TREH: variants seen among roughly 807,000 people sequenced by gnomAD.
The protein encoded by TREH is alpha,alpha-trehalose glucohydrolase.
In TREH, 69 loss-of-function variants were observed where a neutral mutation model predicts 80.5. That is an observed-to-expected ratio of 0.86 (90% CI 0.71 to 1.05). TREH has a LOEUF of 1.05. TREH is among the 50% of genes least tolerant of loss of function. The probability of loss-of-function intolerance (pLI) is 0.00; values close to 1 mark genes in which losing one functional copy is unlikely to be tolerated. For synonymous variants in TREH, 309 were observed against 293.5 expected (o/e 1.05, Z -0.54); for missense variants, 716 against 718.8 (o/e 1.00, Z 0.04).
chr11:118,663,285 C>T (rs1483965575), intron 2 of TREH, 54 bp downstream of exon 2: 66 of 1,562,634 alleles, frequency 4.2e-5, no homozygotes, highest in Non-Finnish European at 5.6e-5. Flanking sequence ...TTGCCCCCTG[C>T]CTTCTTTGGA....
At chr11:118,665,660 A>G (rs1422217736) in intron 1 of TREH, among the ~76,000 whole-genome samples, 1 of 152,116 alleles carries the variant, frequency 6.6e-6, no homozygotes, top group Non-Finnish European at 1.5e-5. Flanking sequence ...AAAAAAGAAA[A>G]AACTGCAACT....
In TREH at chr11:118,663,207, G is replaced by A. The variant is rs1555145332; in HGVS notation, c.191-11C>T. 6.3e-7 allele frequency: 1 copy of A among 1,597,128 alleles called. No homozygotes were observed. The highest frequency in any genetic ancestry group is 2.3e-5 in the East Asian group (1 of 44,130). On this transcript the variant is annotated splice_polypyrimidine_tract_variant and intron_variant, in intron 2 of 14. Transcript: ENST00000264029. ...TCTGCAGGACTTGTTCTGGAGAGCA[G>A]GCAGCAGGGAGGGGTCAGCAGGGTG...
intron 10 of TREH, 110 bp downstream of exon 10, chr11:118,660,429 A>C: frequency 8.5e-7 from 1 of 1,183,372 alleles, no homozygotes; most frequent in South Asian, 1.6e-5. Context: ...GGGGCTCGAC[A>C]GGCTAAGTTG....
intron 1 of TREH, among the ~76,000 whole-genome samples, chr11:118,671,823 G>A (rs1284571701): frequency 6.6e-6 from 1 of 152,076 alleles, no homozygotes; most frequent in Non-Finnish European, 1.5e-5. Flanking sequence ...ATATACAATG[G>A]AGCTCAGTGG....
Position 118,679,505 on chromosome 11 carries a change from C to A in TREH, c.89+34G>T, listed in dbSNP as rs1157219707. 6.8e-6 allele frequency: 10 copies of A among 1,461,242 alleles called. No homozygotes were observed. In the East Asian group the frequency reaches 2.6e-4, roughly 38 times the overall value. 90.5% of individuals were successfully genotyped at this position (1,461,242 alleles called of 1,614,324 possible). On this transcript the variant is annotated intron_variant, in intron 1 of 14. Transcript: ENST00000264029. ...TCTCATCCCAGCCTCCCTCTTATTGCCATCCTCCCCTGCTGCCTTCCCCAC... is the reference window on the plus strand; with the variant it reads ...TCTCATCCCAGCCTCCCTCTTATTGACATCCTCCCCTGCTGCCTTCCCCAC...
intron 1 of TREH, among the ~76,000 whole-genome samples, chr11:118,678,110 C>G (rs2137292260): frequency 6.6e-6 from 1 of 152,298 alleles, no homozygotes; most frequent in South Asian, 2.1e-4. Flanking sequence ...CCCACTCTGC[C>G]CCAATCACAC....
chr11:118,660,027 C>A lies in TREH; in HGVS notation c.1103-63G>T, dbSNP rs1334376462. ...CCTGCCTGCTGCCCCAGGCTTTTTTCGTGGTTCTACTTTAGCCTCCCCGCT... is the reference window on the plus strand; with the variant it reads ...CCTGCCTGCTGCCCCAGGCTTTTTTAGTGGTTCTACTTTAGCCTCCCCGCT... On this transcript the variant is annotated intron_variant, in intron 10 of 14. Coordinates refer to ENST00000264029, the MANE Select transcript of TREH (RefSeq NM_007180.3). 2.0e-6 allele frequency: 3 copies of A among 1,471,530 alleles called. No individual in the cohort carries two copies. In the African/African-American group the frequency reaches 4.2e-5, roughly 21 times the overall value. 91.2% of individuals were successfully genotyped at this position (1,471,530 alleles called of 1,614,324 possible).
intron 1 of TREH, 127 bp downstream of exon 1, chr11:118,679,412 T>C: frequency 8.3e-7 from 1 of 1,206,000 alleles, no homozygotes; most frequent in Non-Finnish European, 1.1e-6. Context: ...TTTTCTTCTC[T>C]TCCCTACTCT....
intron 1 of TREH, among the ~76,000 whole-genome samples, chr11:118,664,587 AC>A (rs1319216236): frequency 1.3e-5 from 2 of 152,234 alleles, no homozygotes; most frequent in Admixed American, 6.5e-5. Flanking sequence ...AAGATGCTGT[AC>A]CAATATGGAC....
chr11:118,658,481 C>G, intron 14 of TREH, 40 bp from the exon 15 acceptor site: 1 of 1,601,032 alleles, frequency 6.2e-7, no homozygotes. Flanking sequence ...TCTGGGGAAG[C>G]CTCATACCCT....
rs781968277 is a variant in TREH, at chr11:118,660,738, G to A, written c.908-5C>T. 5.7e-6 allele frequency: 9 copies of A among 1,570,798 alleles called. No individual in the cohort carries two copies. The highest frequency in any genetic ancestry group is 7.8e-6 in the Non-Finnish European group (9 of 1,157,686). On this transcript the variant is annotated splice_polypyrimidine_tract_variant and splice_region_variant and intron_variant, in intron 9 of 14. Transcript: ENST00000264029. ...CCCACAGAGCCTCCCGGTCTCCTGT[G>A]AGGACAGAGCAGGGAACCAGCCAGT...
chr11:118,660,412 C>T, intron 10 of TREH, 127 bp downstream of exon 10: 1 of 958,996 alleles, frequency 1.0e-6, no homozygotes, highest in Non-Finnish European at 1.5e-6. Flanking sequence ...CAGGCTTCCA[C>T]TAGGGCGGGG....
In TREH at chr11:118,658,261, C is replaced by T. The variant is rs1555143582; in HGVS notation, c.*28G>A. On this transcript the variant is annotated 3_prime_UTR_variant, in exon 15 of 15. Transcript: ENST00000264029. Reference sequence around the variant, plus strand: ...GTGCAGAGGTTTAATGGGGCAGGAGCTGGGGCCAGGTGAGGAGAGGAGGGC... The same window carrying T: ...GTGCAGAGGTTTAATGGGGCAGGAGTTGGGGCCAGGTGAGGAGAGGAGGGC... 6.4e-7 allele frequency: 1 copy of T among 1,569,372 alleles called. No individual in the cohort carries two copies. The highest frequency in any genetic ancestry group is 8.6e-7 in the Non-Finnish European group (1 of 1,157,656).
rs372238200 is a variant in TREH, at chr11:118,661,404, G to A, written c.723C>T (p.Thr241=). The A allele has an allele frequency of 2.5e-5, 41 of 1,613,806 alleles. No homozygotes were observed. The South Asian group carries it at 3.1e-4, about 12-fold the overall frequency. Residue 241 remains threonine (T), a synonymous_variant, in exon 7 of 15, where the codon ACC becomes ACT. Transcript: ENST00000264029. This position sits in a 1 kb window ranked among gnomAD's most constrained non-coding sequence, Gnocchi z 4.2. ...AGGGTGGTACCCACTGTAGAAAGGC[G>A]GTGTCATTGGTGTGAGTCAAGTAGC... ...MDCYLTHTND[T]AFLQENIETL...
chr11:118,669,563 G>T (rs1591834929), intron 1 of TREH, among the ~76,000 whole-genome samples: 1 of 152,170 alleles, frequency 6.6e-6, no homozygotes, highest in African/African-American at 2.4e-5. Flanking sequence ...TGGAACTGGA[G>T]GTCATTATAT....
At chr11:118,670,168 A>AG (rs1555146095) in intron 1 of TREH, among the ~76,000 whole-genome samples, 14 of 152,336 alleles carry the variant, frequency 9.2e-5, no homozygotes, top group African/African-American at 3.4e-4. Flanking sequence ...CACTTGGCTC[A>AG]AAGCCCCACC....
In TREH at chr11:118,657,890, G is replaced by A. The variant is rs7104850; in HGVS notation, c.*399C>T. ...ACCAGGCCTCCAGCTGTCTGGCCTCGCCCTTCACGCCTTAACACTAAGCCC... is the reference window on the plus strand; with the variant it reads ...ACCAGGCCTCCAGCTGTCTGGCCTCACCCTTCACGCCTTAACACTAAGCCC... On this transcript the variant is annotated 3_prime_UTR_variant, in exon 15 of 15. Coordinates refer to ENST00000264029, the MANE Select transcript of TREH (RefSeq NM_007180.3). 3.4e-4 allele frequency: 61 copies of A among 177,868 alleles called. No individual in the cohort carries two copies. The highest frequency in any genetic ancestry group is 9.2e-4 in the East Asian group (6 of 6,546). The allele number at this position is 177,868 out of a possible 1,614,324, so 11.0% of individuals were successfully genotyped here.
In TREH at chr11:118,663,063, G is replaced by A. The variant is rs782134480; in HGVS notation, c.324C>T (p.Asp108=). 22 of 1,613,798 alleles carry A rather than the reference G, an allele frequency of 1.4e-5. No homozygotes were observed. The South Asian group carries it at 2.4e-4, about 18-fold the overall frequency. ...TTCCAGAGTCATACCTGTCTTTCCA[G>A]TCTGCAGGGGTCCAGGGCTGCAGCT... ...GQELQPWTPA[D]WKDSPQFLQK... The change falls in exon 3 of 15, where the codon GAC becomes GAT. Residue 108 remains aspartate, a synonymous_variant. Transcript: ENST00000264029.
At chr11:118,659,625 G>A in intron 11 of TREH, 122 bp downstream of exon 11, 1 of 1,383,116 alleles carries the variant, frequency 7.2e-7, no homozygotes. Context: ...GGCTCTGGTG[G>A]GACCCGCAGG....
Sources: gnomAD v4.1 joint callset for allele counts (sites outside exome capture counted in the v4.1 genomes callset) on GRCh38, gnomAD v4.1.1 for gene constraint, Gnocchi (gnomAD v3.1) non-coding constraint, MANE v1.5 for transcripts, NCBI Gene and HGNC (gene_info 2026-07-23, HGNC 2026-07-21) for gene names.